FSTL1: variants seen among roughly 807,000 people sequenced by gnomAD.
FSTL1 encodes the protein follistatin like 1, also known as follistatin-related protein 1.
FSTL1 carries 24 observed loss-of-function variants against 45.9 expected under a neutral mutation model. The observed-to-expected ratio is 0.52, with a 90% CI of 0.38 to 0.74. The LOEUF is 0.74. Among genes scored for constraint, FSTL1 ranks in the 30% least tolerant of loss-of-function variants. The pLI, the probability that FSTL1 is intolerant of heterozygous loss-of-function variation, is 0.00. For synonymous variants in FSTL1, 120 were observed against 137.6 expected (o/e 0.87, Z 0.89); for missense variants, 340 against 381.8 (o/e 0.89, Z 0.91).
At chr3:120,416,945 G>A (rs1220839330) in intron 2 of FSTL1, among the ~76,000 whole-genome samples, 1 of 152,180 alleles carries the variant, frequency 6.6e-6, no homozygotes, top group Non-Finnish European at 1.5e-5. Context: ...TTCACTGGTG[G>A]CAGAAAGCCA....
chr3:120,426,272 C>G (rs961466768), intron 2 of FSTL1, among the ~76,000 whole-genome samples: 1 of 152,216 alleles, frequency 6.6e-6, no homozygotes, highest in African/African-American at 2.4e-5. Flanking sequence ...GAAGCATCCC[C>G]TGCAGTGCCT....
chr3:120,411,802 C>G, intron 4 of FSTL1, 52 bp downstream of exon 4: 1 of 1,555,366 alleles, frequency 6.4e-7, no homozygotes, highest in East Asian at 2.3e-5. Flanking sequence ...CTGCTCTGTT[C>G]CTTGGCTCCC....
intron 6 of FSTL1, among the ~76,000 whole-genome samples, chr3:120,407,155 C>T (rs1177905461): frequency 2.6e-5 from 4 of 152,148 alleles, no homozygotes; most frequent in Non-Finnish European, 5.9e-5. Context: ...CTCTATCTAA[C>T]TGTAGGGTTG....
rs1386528105 is a variant in FSTL1, at chr3:120,394,000, T to C, written c.*2952A>G. On this transcript the variant is annotated 3_prime_UTR_variant, in exon 11 of 11. Transcript: ENST00000295633. ...GCAATACATTTCTGTTGCCTATAAT[T>C]ACCCAGTCTGAGGCATTTTGTTATA... The C allele has an allele frequency of 1.3e-5, 2 of 152,222 alleles. No homozygotes were observed. Among genetic ancestry groups the C allele is most frequent in the Non-Finnish European group, 2.9e-5 (2 of 68,042 alleles). The allele number at this position is 152,222 out of a possible 1,614,324, so 9.4% of individuals were successfully genotyped here.
chr3:120,413,149 A>G (rs1210056645), intron 3 of FSTL1, among the ~76,000 whole-genome samples: 2 of 152,230 alleles, frequency 1.3e-5, no homozygotes, highest in Admixed American at 1.3e-4. Context: ...AGAAGCAGGA[A>G]GTAAATTTAG....
chr3:120,445,335 A>T (rs892575173), intron 2 of FSTL1, among the ~76,000 whole-genome samples: 2 of 149,806 alleles, frequency 1.3e-5, no homozygotes, highest in African/African-American at 5.1e-5. Flanking sequence ...TTCATTAATT[A>T]TTGAAGGTTT....
At chr3:120,397,046 T>G (rs1223576441) in intron 10 of FSTL1, 50 bp from the exon 11 acceptor site, 1 of 1,406,220 alleles carries the variant, frequency 7.1e-7, no homozygotes, top group Admixed American at 1.7e-5. Flanking sequence ...AAACAACTGT[T>G]GGAATTTATC....
chr3:120,420,891 T>C (rs1221980743), intron 2 of FSTL1, among the ~76,000 whole-genome samples: 3 of 152,216 alleles, frequency 2.0e-5, no homozygotes, highest in Non-Finnish European at 4.4e-5. Flanking sequence ...ACTAAACCAC[T>C]CTACCTCTTT....
intron 8 of FSTL1, 57 bp downstream of exon 8, chr3:120,403,185 G>T: frequency 1.1e-6 from 1 of 939,874 alleles, no homozygotes; most frequent in South Asian, 1.3e-5. Flanking sequence ...TCTCTATCTT[G>T]GCTCCTACAA....
At chr3:120,407,092 T>C (rs180972408) in intron 6 of FSTL1, among the ~76,000 whole-genome samples, 2 of 152,350 alleles carry the variant, frequency 1.3e-5, no homozygotes. Flanking sequence ...TATGGCATCA[T>C]GTTGGTGCTC....
intron 2 of FSTL1, among the ~76,000 whole-genome samples, chr3:120,448,557 A>G (rs1371470926): frequency 6.6e-6 from 1 of 152,212 alleles, no homozygotes; most frequent in Admixed American, 6.5e-5. Context: ...GAGCCATGAA[A>G]TGTAACCTAG....
rs1936676071 is a variant in FSTL1 at position 120,395,416 on chromosome 3, T to A, written c.*1536A>T. 3.0e-6 allele frequency: 1 copy of A among 334,018 alleles called. No individual in the cohort carries two copies. Among genetic ancestry groups the A allele is most frequent in the African/African-American group, 2.2e-5 (1 of 45,612 alleles). The allele number at this position is 334,018 out of a possible 1,614,324, so 20.7% of individuals were successfully genotyped here. On this transcript the variant is annotated 3_prime_UTR_variant, in exon 11 of 11. Coordinates refer to ENST00000295633, the MANE Select transcript of FSTL1 (RefSeq NM_007085.5). The stretch of plus-strand genomic sequence containing the variant: ...CACAGTTTTAGGATTAAATCTCCAT[T>A]TTCTTCCCCCTGTTGAATCTGAAAC...
chr3:120,442,199 T>C (rs1186230337), intron 2 of FSTL1, among the ~76,000 whole-genome samples: 1 of 152,088 alleles, frequency 6.6e-6, no homozygotes, highest in East Asian at 1.9e-4. Flanking sequence ...TCTAATCGAG[T>C]AGACAGGTAG....
At chr3:120,434,718 G>A (rs1470170930) in intron 2 of FSTL1, among the ~76,000 whole-genome samples, 2 of 152,098 alleles carry the variant, frequency 1.3e-5, no homozygotes. Context: ...GGCTCTTCAT[G>A]TCTCTCCCTA....
chr3:120,402,793 T>G lies in FSTL1; in HGVS notation c.805+15A>C. 6.9e-7 allele frequency: 1 copy of G among 1,446,924 alleles called. No individual in the cohort carries two copies. Among genetic ancestry groups the G allele is most frequent in the South Asian group, 1.1e-5 (1 of 87,794 alleles). 89.6% of individuals were successfully genotyped at this position (1,446,924 alleles called of 1,614,324 possible). A position where few individuals can be genotyped will look rare whatever the true frequency, so the allele number is the denominator to read the frequency against. ...CTCCTTGCTGTTTTTTCTTTCTGCT[T>G]GAAGCACAGCTCACCGTCACAGGTC... On this transcript the variant is annotated intron_variant, in intron 9 of 10. Coordinates refer to ENST00000295633, the MANE Select transcript of FSTL1 (RefSeq NM_007085.5).
intron 3 of FSTL1, among the ~76,000 whole-genome samples, chr3:120,414,179 T>C (rs1289682905): frequency 6.6e-6 from 1 of 152,172 alleles, no homozygotes; most frequent in African/African-American, 2.4e-5. Flanking sequence ...AGTGCCGAGA[T>C]TGCAGCCTCT....
At chr3:120,445,622 T>C (rs1403117147) in intron 2 of FSTL1, among the ~76,000 whole-genome samples, 2 of 149,680 alleles carry the variant, frequency 1.3e-5, no homozygotes, top group Non-Finnish European at 2.9e-5. Context: ...ATGGAAGATT[T>C]GTGCATTTTG....
At chr3:120,429,174 C>G (rs960685895) in intron 2 of FSTL1, among the ~76,000 whole-genome samples, 2 of 152,234 alleles carry the variant, frequency 1.3e-5, no homozygotes, top group Admixed American at 1.3e-4. Context: ...ATTCCCACCC[C>G]TGGAGCAATT....
chr3:120,404,938 TG>T lies in FSTL1; in HGVS notation c.495del (p.Ser166ValfsTer4). 6.2e-7 allele frequency: 1 copy of T among 1,601,516 alleles called. No homozygotes were observed. The highest frequency in any genetic ancestry group is 8.6e-7 in the Non-Finnish European group (1 of 1,168,372). ...NFDNGDSRLD[S>X]SEFLKFVEQN... is the part of the protein sequence containing the mutation. Reference sequence around the variant, plus strand: ...TGTTCCACAAACTTCAGGAATTCACTGGAGTCCAGGCGAGAATCACCATTAT... The same window carrying T: ...TGTTCCACAAACTTCAGGAATTCACTGAGTCCAGGCGAGAATCACCATTAT... On this transcript the variant is annotated frameshift_variant, in exon 7 of 11. Transcript: ENST00000295633. LOFTEE classifies it high-confidence loss of function.
Sources: gnomAD v4.1 joint callset for allele counts (sites outside exome capture counted in the v4.1 genomes callset) on GRCh38, gnomAD v4.1.1 for gene constraint, MANE v1.5 for transcripts, NCBI Gene and HGNC (gene_info 2026-07-23, HGNC 2026-07-21) for gene names.